The following TGFBRAP1 variants were observed in gnomAD, a reference collection of about 807,000 sequenced individuals.
TGFBRAP1 encodes the protein transforming growth factor beta receptor associated protein 1.
A neutral mutation model predicts 83.2 loss-of-function variants in TGFBRAP1; 20 were observed. That is an observed-to-expected ratio of 0.24 (90% CI 0.17 to 0.35). The LOEUF (loss-of-function observed/expected upper bound fraction) is 0.35, where lower values mean the gene tolerates loss of function less well. Ranked by LOEUF, TGFBRAP1 falls within the 10% of genes least tolerant of loss-of-function variation. The probability of loss-of-function intolerance (pLI) is 1.00; values close to 1 mark genes in which losing one functional copy is unlikely to be tolerated. For synonymous variants in TGFBRAP1, 415 were observed against 459.8 expected (o/e 0.90, Z 1.25); for missense variants, 950 against 1,099.4 (o/e 0.86, Z 1.92).
At chr2:105,271,441 G>C (rs1276225702) in intron 10 of TGFBRAP1, among the ~76,000 whole-genome samples, 1 of 152,202 alleles carries the variant, frequency 6.6e-6, no homozygotes, top group Non-Finnish European at 1.5e-5. Context: ...GGCTGTGAGT[G>C]AACAGAGATT....
chr2:105,319,373 T>G (rs908308806), intron 1 of TGFBRAP1, among the ~76,000 whole-genome samples: 2 of 149,622 alleles, frequency 1.3e-5, no homozygotes, highest in Non-Finnish European at 3.0e-5. Context: ...AGAGCAATAT[T>G]TTAAGTAGAT....
the TGFBRAP1 span, among the ~76,000 whole-genome samples, chr2:105,254,080 A>C: frequency 6.9e-6 from 1 of 145,776 alleles, no homozygotes; most frequent in Non-Finnish European, 1.5e-5. Flanking sequence ...TCTATTTTTT[A>C]CCATTTAAAC....
intron 7 of TGFBRAP1, among the ~76,000 whole-genome samples, chr2:105,277,170 G>A (rs534592141): frequency 5.9e-5 from 9 of 152,304 alleles, no homozygotes; most frequent in Admixed American, 3.3e-4. Context: ...ACATGGCCTC[G>A]GGCAAGCAAC....
chr2:105,315,126 T>TA, intron 1 of TGFBRAP1, among the ~76,000 whole-genome samples: 1 of 151,730 alleles, frequency 6.6e-6, no homozygotes, highest in East Asian at 1.9e-4. Flanking sequence ...ATTAGATACT[T>TA]AAAAAAAACT....
chr2:105,250,936 G>A, the TGFBRAP1 span, among the ~76,000 whole-genome samples: 1 of 152,234 alleles, frequency 6.6e-6, no homozygotes, highest in Admixed American at 6.5e-5. Flanking sequence ...GATGGCAGAC[G>A]GAGTCGCGTT....
downstream of TGFBRAP1, among the ~76,000 whole-genome samples, chr2:105,260,343 A>G (rs1676760899): frequency 6.6e-6 from 1 of 152,212 alleles, no homozygotes. Context: ...CGGGAGGCGG[A>G]GGTTGCAGTG....
chr2:105,266,582 C>T lies in TGFBRAP1; in HGVS notation c.*801G>A, dbSNP rs1676942718. 6.6e-6 allele frequency: 1 copy of T among 152,234 alleles called. No individual in the cohort carries two copies. The highest frequency in any genetic ancestry group is 1.5e-5 in the Non-Finnish European group (1 of 68,038). The allele number at this position is 152,234 out of a possible 1,614,324, so 9.4% of individuals were successfully genotyped here. A position where few individuals can be genotyped will look rare whatever the true frequency, so the allele number is the denominator to read the frequency against. On this transcript the variant is annotated 3_prime_UTR_variant, in exon 12 of 12. Transcript: ENST00000393359. ...CAGGAAAGGAGCACACAGCTGGGCC[C>T]TTGCCCGCCGTGGGTTTCCCGTGTC...
chr2:105,316,793 GAC>G (rs1678897590), intron 1 of TGFBRAP1, among the ~76,000 whole-genome samples: 1 of 148,104 alleles, frequency 6.8e-6, no homozygotes, highest in Non-Finnish European at 1.5e-5. Flanking sequence ...CAGCCTGGGT[GAC>G]AGAGTGAGAC....
At position 105,296,484 on chromosome 2, in the gene TGFBRAP1, C is replaced by T. The variant is rs1383907120; in HGVS notation, c.910G>A (p.Gly304Arg). The part of the protein sequence containing the change: ...EGRVIVATSK[G>R]VYILVPLPLE... ...GGTAATGGAACCAAGATGTAAACTC[C>T]TTTACTTGTGGCAACGATCACTCTT... Residue 304 changes from glycine (G) to arginine (R), a missense_variant, in exon 4 of 12, where the codon GGA becomes AGA. Transcript: ENST00000393359. The T allele has an allele frequency of 4.3e-6, 7 of 1,612,694 alleles. No homozygotes were observed. The Admixed American group carries it at 1.2e-4, about 27-fold the overall frequency.
At chr2:105,300,733 A>G (rs1678259607) in intron 2 of TGFBRAP1, among the ~76,000 whole-genome samples, 1 of 152,040 alleles carries the variant, frequency 6.6e-6, no homozygotes, top group Admixed American at 6.6e-5. Flanking sequence ...CACTGCGCCC[A>G]GCCTATCAAA....
Position 105,277,645 on chromosome 2 carries a change from T to C in TGFBRAP1, c.1490A>G (p.His497Arg). Residue 497 changes from histidine (H) to arginine (R), a missense_variant, in exon 7 of 12, where the codon CAT becomes CGT. Transcript: ENST00000393359. The stretch of plus-strand genomic sequence containing the variant: ...TGCAGCAGCATCTTGGTTATTATAA[T>C]GATAGAGCAGTCCAAGTGCAAAATA... Reference protein sequence around the residue: ...KKYFALGLLYHYNNQDAAAVQ... With the variant: ...KKYFALGLLYRYNNQDAAAVQ... 2 of 1,614,176 alleles carry C rather than the reference T, an allele frequency of 1.2e-6. No individual in the cohort carries two copies. Among genetic ancestry groups the C allele is most frequent in the South Asian group, 1.1e-5 (1 of 91,084 alleles).
At chr2:105,275,476 T>C in intron 8 of TGFBRAP1, 84 bp downstream of exon 8, 31 of 1,539,876 alleles carry the variant, frequency 2.0e-5, no homozygotes, top group Non-Finnish European at 2.7e-5. Flanking sequence ...TAGCTTTCTT[T>C]TCCCCTCCTA....
chr2:105,279,402 C>A (rs538156670), intron 6 of TGFBRAP1, among the ~76,000 whole-genome samples: 1 of 152,038 alleles, frequency 6.6e-6, no homozygotes, highest in African/African-American at 2.4e-5. Flanking sequence ...GGACCACAGG[C>A]GTGAACCACC....
At chr2:105,299,398 C>A (rs772110652) in intron 2 of TGFBRAP1, among the ~76,000 whole-genome samples, 1 of 152,090 alleles carries the variant, frequency 6.6e-6, no homozygotes, top group Non-Finnish European at 1.5e-5. Context: ...TCAAATAGGG[C>A]GTAATCCTGA....
At chr2:105,254,199 A>G in the TGFBRAP1 span, among the ~76,000 whole-genome samples, 3 of 152,206 alleles carry the variant, frequency 2.0e-5, no homozygotes, top group Non-Finnish European at 4.4e-5. Flanking sequence ...GCCATAATAA[A>G]ATCGCTTTTC....
chr2:105,269,594 G>T lies in TGFBRAP1; in HGVS notation c.2084C>A (p.Ala695Glu), dbSNP rs764601182. 3 of 1,609,302 alleles carry T rather than the reference G, an allele frequency of 1.9e-6. No individual in the cohort carries two copies. The South Asian group carries it at 3.3e-5, about 18-fold the overall frequency. The part of the protein sequence containing the change: ...ILVHELQDFA[A>E]AEDYCLWCSE... ...GCACCACAGGCAGTAGTCCTCGGCC[G>T]CTGCAAAGTCCTGCAGCTCGTGCAC... The change falls in exon 11 of 12, where the codon GCG becomes GAG. Residue 695 changes from alanine (A) to glutamate (E), a missense_variant. Transcript: ENST00000393359. The surrounding 1 kb of genome is among the most constrained non-coding windows in gnomAD (Gnocchi z 4.1).
At chr2:105,291,837 C>T (rs1677927743) in intron 4 of TGFBRAP1, among the ~76,000 whole-genome samples, 1 of 151,984 alleles carries the variant, frequency 6.6e-6, no homozygotes, top group Non-Finnish European at 1.5e-5. Flanking sequence ...GCCATGTGTG[C>T]CAACATGGAG....
Position 105,280,726 on chromosome 2 carries a change from G to A in TGFBRAP1, c.1122-3C>T. The A allele has an allele frequency of 6.2e-7, 1 of 1,610,414 alleles. No homozygotes were observed. The highest frequency in any genetic ancestry group is 8.5e-7 in the Non-Finnish European group (1 of 1,177,944). On this transcript the variant is annotated splice_polypyrimidine_tract_variant and splice_region_variant and intron_variant, in intron 5 of 11. Coordinates refer to ENST00000393359, the MANE Select transcript of TGFBRAP1 (RefSeq NM_004257.6). ...CCCGGACATCAAGCTGGCCGCTTCTGCAATTACAGTGTCAAACTAAATGAA... is the reference window on the plus strand; with the variant it reads ...CCCGGACATCAAGCTGGCCGCTTCTACAATTACAGTGTCAAACTAAATGAA...
intron 4 of TGFBRAP1, among the ~76,000 whole-genome samples, chr2:105,294,867 GA>G (rs1336302634): frequency 6.6e-6 from 1 of 152,164 alleles, no homozygotes; most frequent in Non-Finnish European, 1.5e-5. Context: ...GTGTGTGCAA[GA>G]AGGGAATACT....
Sources: gnomAD v4.1 joint callset for allele counts (sites outside exome capture counted in the v4.1 genomes callset) on GRCh38, gnomAD v4.1.1 for gene constraint, Gnocchi (gnomAD v3.1) non-coding constraint, MANE v1.5 for transcripts, NCBI Gene and HGNC (gene_info 2026-07-23, HGNC 2026-07-21) for gene names.